RIT2: variants seen among roughly 807,000 people sequenced by gnomAD.
RIT2 encodes the protein Ras like without CAAX 2.
A neutral mutation model predicts 23.7 loss-of-function variants in RIT2; 24 were observed. The ratio of observed to expected loss-of-function variants is 1.01; its 90% CI spans 0.73 to 1.43. RIT2 has a LOEUF of 1.43. Ranked by LOEUF, RIT2 falls within the 40% of genes most tolerant of loss-of-function variation. The probability of loss-of-function intolerance (pLI) is 0.00; values close to 1 mark genes in which losing one functional copy is unlikely to be tolerated. For synonymous variants in RIT2, 107 were observed against 91.1 expected (o/e 1.17, Z -0.99); for missense variants, 236 against 266.9 (o/e 0.88, Z 0.81).
At chr18:42,779,253 C>T (rs763877291) in intron 4 of RIT2, among the ~76,000 whole-genome samples, 3 of 152,202 alleles carry the variant, frequency 2.0e-5, no homozygotes, top group Non-Finnish European at 2.9e-5. Context: ...TGTAAATCTT[C>T]AACGCAGGAA....
At chr18:42,896,017 C>T (rs1398199570) in intron 4 of RIT2, among the ~76,000 whole-genome samples, 1 of 152,148 alleles carries the variant, frequency 6.6e-6, no homozygotes, top group Non-Finnish European at 1.5e-5. Context: ...GTAATCCTGG[C>T]ACTTTGGGAG....
At chr18:43,075,415 A>G (rs1196524871) in intron 1 of RIT2, among the ~76,000 whole-genome samples, 1 of 152,122 alleles carries the variant, frequency 6.6e-6, no homozygotes, top group Non-Finnish European at 1.5e-5. Context: ...TCCATGATTA[A>G]CTTCTTTGAT....
intron 4 of RIT2, among the ~76,000 whole-genome samples, chr18:42,771,447 A>G (rs2143915559): frequency 6.6e-6 from 1 of 152,334 alleles, no homozygotes; most frequent in African/African-American, 2.4e-5. Flanking sequence ...ACATATCTGT[A>G]ATGAAATCTC....
At chr18:43,097,979 T>C (rs939283900) in intron 1 of RIT2, among the ~76,000 whole-genome samples, 1 of 151,990 alleles carries the variant, frequency 6.6e-6, no homozygotes, top group Non-Finnish European at 1.5e-5. Flanking sequence ...CCTTATTAGT[T>C]AGCTAGATAT....
At chr18:42,926,875 A>C (rs902531949) in intron 3 of RIT2, among the ~76,000 whole-genome samples, 32 of 151,926 alleles carry the variant, frequency 2.1e-4, no homozygotes, top group Non-Finnish European at 4.3e-4. Flanking sequence ...GCAGAGAAAG[A>C]CAGTCATAGT....
intron 4 of RIT2, among the ~76,000 whole-genome samples, chr18:42,837,636 G>A (rs1447501676): frequency 1.2e-4 from 18 of 152,126 alleles, no homozygotes; most frequent in Admixed American, 1.2e-3. Context: ...CAATAACACA[G>A]TTCTTTAGAT....
At chr18:42,913,636 A>T (rs1908829947) in intron 4 of RIT2, among the ~76,000 whole-genome samples, 1 of 152,042 alleles carries the variant, frequency 6.6e-6, no homozygotes, top group Admixed American at 6.6e-5. Flanking sequence ...ATACTTAATG[A>T]TTTCACTTAT....
At chr18:42,942,471 C>T (rs1296381458) in intron 3 of RIT2, among the ~76,000 whole-genome samples, 4 of 152,108 alleles carry the variant, frequency 2.6e-5, no homozygotes, top group African/African-American at 9.6e-5. Flanking sequence ...TTAACTGTTA[C>T]CATACCTTCG....
At chr18:43,071,727 A>T (rs906007361) in intron 1 of RIT2, among the ~76,000 whole-genome samples, 3 of 152,070 alleles carry the variant, frequency 2.0e-5, no homozygotes, top group African/African-American at 7.2e-5. Context: ...TACTTTGACA[A>T]ATTATTTTAA....
chr18:43,104,313 G>A (rs1457887972), intron 1 of RIT2, among the ~76,000 whole-genome samples: 1 of 152,150 alleles, frequency 6.6e-6, no homozygotes, highest in Non-Finnish European at 1.5e-5. Flanking sequence ...TTGGTTAACA[G>A]ATACAAAATC....
intron 4 of RIT2, among the ~76,000 whole-genome samples, chr18:42,850,059 T>A (rs2099962079): frequency 1.4e-5 from 2 of 148,050 alleles, no homozygotes; most frequent in Admixed American, 1.4e-4. Context: ...AATTTTAATT[T>A]AAGAAAAAAA....
chr18:42,915,771 A>G (rs2144124180), intron 4 of RIT2, among the ~76,000 whole-genome samples: 1 of 152,144 alleles, frequency 6.6e-6, no homozygotes, highest in South Asian at 2.1e-4. Context: ...TTGAATCTGT[A>G]ACACTTTCAA....
At chr18:42,887,557 G>C (rs184686338) in intron 4 of RIT2, among the ~76,000 whole-genome samples, 320 of 152,258 alleles carry the variant, frequency 2.1e-3, no homozygotes, top group African/African-American at 6.9e-3. Context: ...GGTGGAAGAG[G>C]GGGGAGGATG....
At chr18:43,091,053 G>GA (rs1469201605) in intron 1 of RIT2, among the ~76,000 whole-genome samples, 1 of 151,378 alleles carries the variant, frequency 6.6e-6, no homozygotes, top group African/African-American at 2.4e-5. Context: ...TTAATAAGAA[G>GA]AAAAAAAGAA....
intron 4 of RIT2, among the ~76,000 whole-genome samples, chr18:42,828,461 C>T (rs1157066820): frequency 6.6e-6 from 1 of 152,160 alleles, no homozygotes. Flanking sequence ...TAATGCAAGG[C>T]TATTATTTAG....
chr18:42,762,785 C>T (rs1171870523), intron 4 of RIT2, among the ~76,000 whole-genome samples: 3 of 152,176 alleles, frequency 2.0e-5, no homozygotes, highest in African/African-American at 7.2e-5. Context: ...ATTGGATTAG[C>T]AACATTTTTG....
intron 4 of RIT2, among the ~76,000 whole-genome samples, chr18:42,893,182 C>T (rs1055301310): frequency 2.1e-5 from 3 of 143,388 alleles, no homozygotes; most frequent in African/African-American, 5.2e-5. Flanking sequence ...GAGCCAAGAT[C>T]GCCACTGCAC....
chr18:42,827,136 G>A (rs73470072), intron 4 of RIT2, among the ~76,000 whole-genome samples: 3,057 of 152,246 alleles, frequency 0.02, 91 homozygotes, highest in African/African-American at 0.068. Flanking sequence ...CTATAGTAAT[G>A]AGAACCATAC....
intron 1 of RIT2, among the ~76,000 whole-genome samples, chr18:43,109,933 A>G (rs1268218551): frequency 6.6e-6 from 1 of 152,138 alleles, no homozygotes; most frequent in Non-Finnish European, 1.5e-5. Flanking sequence ...TGCTTTTCCC[A>G]TACAATTTGA....
Sources: allele counts gnomAD v4.1 joint callset (sites outside exome capture counted in the v4.1 genomes callset), GRCh38; gene constraint gnomAD v4.1.1; transcripts MANE v1.5; gene names NCBI Gene and HGNC (gene_info 2026-07-23, HGNC 2026-07-21).